Variants in PLXNA4 observed in about 807,000 individuals in gnomAD.
The protein encoded by PLXNA4 is plexin A4, also known as plexin-A4.
Under a neutral mutation model 191.8 loss-of-function variants are expected in PLXNA4, and 44 were observed. The ratio of observed to expected loss-of-function variants is 0.23; its 90% CI spans 0.18 to 0.29. The LOEUF (loss-of-function observed/expected upper bound fraction) is 0.29, where lower values mean the gene tolerates loss of function less well. Among genes scored for constraint, PLXNA4 ranks in the 10% least tolerant of loss-of-function variants. PLXNA4 has a pLI of 1.00. For synonymous variants in PLXNA4, 1,082 were observed against 1,009.5 expected, an observed-to-expected ratio of 1.07 and a Z score of -1.36; for missense variants, 1,800 against 2,488.8, an observed-to-expected ratio of 0.72 and a Z score of 5.89.
chr7:132,566,775 C>T (rs775129882), intron 1 of PLXNA4, among the ~76,000 whole-genome samples: 1 of 152,160 alleles, frequency 6.6e-6, no homozygotes, highest in Admixed American at 6.5e-5. Context: ...ATGAAATATA[C>T]ACCTGAAGGC....
intron 2 of PLXNA4, among the ~76,000 whole-genome samples, chr7:132,639,918 T>C (rs979374255): frequency 2.6e-5 from 4 of 152,242 alleles, no homozygotes; most frequent in Non-Finnish European, 5.9e-5. Flanking sequence ...GCCCTTTCTC[T>C]AACTGGCTTC....
chr7:132,184,816 C>T (rs1217227129), intron 16 of PLXNA4, among the ~76,000 whole-genome samples: 2 of 152,134 alleles, frequency 1.3e-5, no homozygotes, highest in Non-Finnish European at 1.5e-5. Flanking sequence ...AAGCAGGCAG[C>T]CAGGAGCAAA....
At chr7:132,565,972 A>G (rs1312119598) in intron 1 of PLXNA4, among the ~76,000 whole-genome samples, 1 of 152,216 alleles carries the variant, frequency 6.6e-6, no homozygotes, top group African/African-American at 2.4e-5. Flanking sequence ...AACTCACTGC[A>G]GTTGGGTTCG....
chr7:132,471,038 G>A (rs1425122866), intron 3 of PLXNA4, among the ~76,000 whole-genome samples: 2 of 152,186 alleles, frequency 1.3e-5, no homozygotes, highest in African/African-American at 4.8e-5. Context: ...AAATCATGGG[G>A]TGGATTTCTC....
At chr7:132,595,301 A>G (rs948931543) in intron 2 of PLXNA4, among the ~76,000 whole-genome samples, 1 of 152,174 alleles carries the variant, frequency 6.6e-6, no homozygotes, top group Non-Finnish European at 1.5e-5. Context: ...AAGAAGGAGC[A>G]TGGTATCCCC....
At chr7:132,261,350 C>T (rs1295800191) in intron 4 of PLXNA4, among the ~76,000 whole-genome samples, 1 of 152,244 alleles carries the variant, frequency 6.6e-6, no homozygotes. Flanking sequence ...AACTCACTTT[C>T]TCTCTCCTAG....
At chr7:132,212,001 T>C (rs1280082268) in intron 9 of PLXNA4, among the ~76,000 whole-genome samples, 6 of 152,088 alleles carry the variant, frequency 3.9e-5, no homozygotes, top group African/African-American at 1.2e-4. Flanking sequence ...TCAGGAGCTG[T>C]GTGGAGGAGA....
chr7:132,622,888 G>C (rs1169445171), intron 2 of PLXNA4, among the ~76,000 whole-genome samples: 3 of 152,216 alleles, frequency 2.0e-5, no homozygotes, highest in Non-Finnish European at 2.9e-5. Flanking sequence ...GTGGCATGGA[G>C]AAATTGCCCG....
At chr7:132,441,961 T>C (rs140184376) in intron 3 of PLXNA4, among the ~76,000 whole-genome samples, 1 of 152,162 alleles carries the variant, frequency 6.6e-6, no homozygotes, top group Admixed American at 6.5e-5. Context: ...ATGCCACCAA[T>C]GCTCGGTCAA....
At chr7:132,179,425 T>TGC (rs1485049070) in intron 20 of PLXNA4, among the ~76,000 whole-genome samples, 1 of 67,898 alleles carries the variant, frequency 1.5e-5, no homozygotes, top group African/African-American at 7.3e-5. Flanking sequence ...CACAGACACA[T>TGC]ATACAGCCTC....
At chr7:132,264,895 A>C (rs1799791471) in intron 4 of PLXNA4, among the ~76,000 whole-genome samples, 1 of 151,804 alleles carries the variant, frequency 6.6e-6, no homozygotes, top group Admixed American at 6.6e-5. Context: ...ATGGGGTTTC[A>C]CCATGTTGGC....
chr7:132,399,306 G>C (rs767374643), intron 3 of PLXNA4, among the ~76,000 whole-genome samples: 10 of 152,104 alleles, frequency 6.6e-5, no homozygotes, highest in South Asian at 2.1e-4. Context: ...GGCCTTAGAG[G>C]GACTGATCAT....
intron 30 of PLXNA4, among the ~76,000 whole-genome samples, chr7:132,133,959 T>C (rs1206276696): frequency 2.0e-5 from 3 of 152,120 alleles, no homozygotes; most frequent in Non-Finnish European, 2.9e-5. Context: ...GAGGGCATCA[T>C]AAACCTCAAG....
chr7:132,296,586 C>T (rs958236269), intron 4 of PLXNA4, among the ~76,000 whole-genome samples: 2 of 151,994 alleles, frequency 1.3e-5, no homozygotes, highest in Non-Finnish European at 2.9e-5. Context: ...TTTATATTTT[C>T]CGTCTTTGAA....
intron 2 of PLXNA4, among the ~76,000 whole-genome samples, chr7:132,630,829 G>T (rs955774185): frequency 6.6e-6 from 1 of 152,228 alleles, no homozygotes; most frequent in Non-Finnish European, 1.5e-5. Context: ...ACTCTTTATG[G>T]TCATGTCAGT....
chr7:132,620,510 A>G (rs1338488716), intron 2 of PLXNA4, among the ~76,000 whole-genome samples: 2 of 152,204 alleles, frequency 1.3e-5, no homozygotes, highest in Admixed American at 1.3e-4. Flanking sequence ...TCCAAACAAT[A>G]AAATCAAAAG....
intron 1 of PLXNA4, among the ~76,000 whole-genome samples, chr7:132,558,335 C>T (rs2116619738): frequency 6.6e-6 from 1 of 152,296 alleles, no homozygotes; most frequent in South Asian, 2.1e-4. Flanking sequence ...TATATTTGGT[C>T]ATGTGATATT....
At chr7:132,263,149 G>C (rs1281428062) in intron 4 of PLXNA4, among the ~76,000 whole-genome samples, 1 of 152,172 alleles carries the variant, frequency 6.6e-6, no homozygotes, top group Non-Finnish European at 1.5e-5. Context: ...TCTCCCCTGG[G>C]TATCCACAGC....
chr7:132,338,833 C>A (rs1802916591), intron 3 of PLXNA4, among the ~76,000 whole-genome samples: 1 of 152,170 alleles, frequency 6.6e-6, no homozygotes, highest in African/African-American at 2.4e-5. Flanking sequence ...AGGTACCCAT[C>A]CTCTGGACAG....
Sources: allele counts gnomAD v4.1 joint callset (sites outside exome capture counted in the v4.1 genomes callset), GRCh38; gene constraint gnomAD v4.1.1; transcripts MANE v1.5; gene names NCBI Gene and HGNC (gene_info 2026-07-23, HGNC 2026-07-21).